The following PDE1A variants were observed in gnomAD, a reference collection of about 807,000 sequenced individuals.
The protein encoded by PDE1A is dual specificity calcium/calmodulin-dependent 3',5'-cyclic nucleotide phosphodiesterase 1A.
Under a neutral mutation model 61.7 loss-of-function variants are expected in PDE1A, and 35 were observed. The observed-to-expected ratio is 0.57, with a 90% CI of 0.43 to 0.75. The LOEUF (loss-of-function observed/expected upper bound fraction) is 0.75. PDE1A is among the 30% of genes least tolerant of loss of function. PDE1A has a pLI of 0.00. For missense variants in PDE1A, 597 were observed against 630.6 expected (o/e 0.95, Z 0.57); for synonymous variants, 232 against 213.2 (o/e 1.09, Z -0.77).
At chr2:182,572,443 C>A in the PDE1A span, among the ~76,000 whole-genome samples, 163 of 152,248 alleles carry the variant, frequency 1.1e-3, no homozygotes, top group South Asian at 0.017. Context: ...AAGTTTGTTA[C>A]CTTAAATCAC....
At chr2:182,494,833 T>C (rs976154411) in intron 2 of PDE1A, among the ~76,000 whole-genome samples, 4 of 152,208 alleles carry the variant, frequency 2.6e-5, no homozygotes, top group Non-Finnish European at 5.9e-5. Context: ...CACACTTTTA[T>C]ATAGCAGATG....
At chr2:182,643,932 T>G in the PDE1A span, among the ~76,000 whole-genome samples, 1 of 152,144 alleles carries the variant, frequency 6.6e-6, no homozygotes, top group Non-Finnish European at 1.5e-5. Flanking sequence ...CAAGTCCCAT[T>G]GATTTATACA....
the PDE1A span, among the ~76,000 whole-genome samples, chr2:182,566,564 A>G: frequency 2.0e-5 from 3 of 151,678 alleles, no homozygotes; most frequent in Non-Finnish European, 4.4e-5. Flanking sequence ...ATTATATTAG[A>G]TTTTAAATAT....
At chr2:182,488,586 A>T (rs1688175219) in intron 2 of PDE1A, among the ~76,000 whole-genome samples, 2 of 152,228 alleles carry the variant, frequency 1.3e-5, no homozygotes, top group Non-Finnish European at 2.9e-5. Context: ...TAAAACAATG[A>T]TAAATACCTG....
In PDE1A at chr2:182,476,801, A is replaced by G. The variant is rs1009623663; in HGVS notation, c.101+45475T>C. ...ATACAGAACTGGAATATAGTAACAT[A>G]AAAATGAAAGAATAAAAGACCAATA... On this transcript the variant is annotated intron_variant, in intron 2 of 14. Transcript: ENST00000410103. Among the ~76,000 whole-genome samples the G allele has an allele frequency of 5.9e-5, 9 of 151,974 alleles. No homozygotes were observed. The East Asian group carries it at 1.8e-3, about 30-fold the overall frequency.
chr2:182,454,816 C>CT (rs1251815637), intron 2 of PDE1A, among the ~76,000 whole-genome samples: 2 of 151,506 alleles, frequency 1.3e-5, no homozygotes, highest in Non-Finnish European at 2.9e-5. Flanking sequence ...CATAAAAACC[C>CT]AGAAGAAAAC....
Position 182,159,622 on chromosome 2 carries a change from T to C in PDE1A, c.1517-12470A>G, listed in dbSNP as rs374154357. Among the ~76,000 whole-genome samples, 4 of 152,222 alleles carry C rather than the reference T, an allele frequency of 2.6e-5. No individual in the cohort carries two copies. The East Asian group carries it at 7.7e-4, about 29-fold the overall frequency. Reference sequence around the variant, plus strand: ...ATAGCACACTTCTTTAAGGAAGCTTTCTATGAAATATCCATTCAGTCTCAA... The same window carrying C: ...ATAGCACACTTCTTTAAGGAAGCTTCCTATGAAATATCCATTCAGTCTCAA... On this transcript the variant is annotated intron_variant, in intron 13 of 13. Coordinates refer to the PDE1A transcript ENST00000409365.
intron 2 of PDE1A, among the ~76,000 whole-genome samples, chr2:182,242,417 G>A (rs1184178094): frequency 6.6e-6 from 1 of 152,212 alleles, no homozygotes; most frequent in Non-Finnish European, 1.5e-5. Flanking sequence ...AAGGACGACA[G>A]TGTGTTAAGG....
At chr2:182,411,150 G>A (rs910949431) in intron 1 of PDE1A, among the ~76,000 whole-genome samples, 1 of 152,150 alleles carries the variant, frequency 6.6e-6, no homozygotes, top group Non-Finnish European at 1.5e-5. Flanking sequence ...TGGTTCCAAG[G>A]ATAACCACTG....
the PDE1A span, among the ~76,000 whole-genome samples, chr2:182,584,208 T>C: frequency 6.6e-6 from 1 of 151,818 alleles, no homozygotes; most frequent in African/African-American, 2.4e-5. Context: ...AAGGCAGCTC[T>C]AGAGATCTTG....
chr2:182,554,110 AC>A, the PDE1A span, among the ~76,000 whole-genome samples: 1 of 152,154 alleles, frequency 6.6e-6, no homozygotes, highest in East Asian at 1.9e-4. Flanking sequence ...TAGAGAAAGG[AC>A]TATAATACTT....
chr2:182,423,947 C>CCTT (rs1053160962), intron 1 of PDE1A, among the ~76,000 whole-genome samples: 8 of 134,300 alleles, frequency 6.0e-5, no homozygotes, highest in African/African-American at 2.0e-4. Flanking sequence ...CTGGATTAAC[C>CCTT]TTTTTTTTTT....
At chr2:182,657,250 T>C in the PDE1A span, among the ~76,000 whole-genome samples, 3 of 152,046 alleles carry the variant, frequency 2.0e-5, no homozygotes, top group Non-Finnish European at 4.4e-5. Flanking sequence ...ACAACACAAC[T>C]ATATTACGTT....
chr2:182,145,572 C>T (rs1164140225), downstream of PDE1A, among the ~76,000 whole-genome samples: 5 of 151,648 alleles, frequency 3.3e-5, no homozygotes, highest in African/African-American at 7.3e-5. Context: ...TACTAAAATA[C>T]AAAAAAATTA....
At chr2:182,514,127 G>A (rs768105724) in intron 2 of PDE1A, among the ~76,000 whole-genome samples, 1 of 152,180 alleles carries the variant, frequency 6.6e-6, no homozygotes, top group Non-Finnish European at 1.5e-5. Context: ...AACCAGGGAA[G>A]TAAAAGATTT....
chr2:182,677,923 G>T, the PDE1A span, among the ~76,000 whole-genome samples: 1 of 152,004 alleles, frequency 6.6e-6, no homozygotes, highest in Non-Finnish European at 1.5e-5. Flanking sequence ...GTTCAACCCA[G>T]GAATTCTATA....
At chr2:182,277,068 C>T (rs960102719) in intron 1 of PDE1A, among the ~76,000 whole-genome samples, 9 of 152,012 alleles carry the variant, frequency 5.9e-5, no homozygotes, top group African/African-American at 2.2e-4. Context: ...TCTAATTTTG[C>T]CCTTTGCCTT....
chr2:182,279,935 C>A (rs1444651531), intron 1 of PDE1A, among the ~76,000 whole-genome samples: 1 of 151,656 alleles, frequency 6.6e-6, no homozygotes. Flanking sequence ...TACTGGATAC[C>A]ACCTATTGGC....
upstream of PDE1A, among the ~76,000 whole-genome samples, chr2:182,526,954 T>C (rs1324268704): frequency 1.3e-5 from 2 of 151,708 alleles, no homozygotes; most frequent in African/African-American, 2.4e-5. Flanking sequence ...TTTTTCTTTT[T>C]TCAGGTATTG....
Sources: gnomAD v4.1 joint callset for allele counts (sites outside exome capture counted in the v4.1 genomes callset) on GRCh38, gnomAD v4.1.1 for gene constraint, MANE v1.5 for transcripts, NCBI Gene and HGNC (gene_info 2026-07-23, HGNC 2026-07-21) for gene names.